The following TMEM45B variants were observed in gnomAD, a reference collection of about 807,000 sequenced individuals.
The protein encoded by TMEM45B is transmembrane protein 45B.
TMEM45B carries 29 observed loss-of-function variants against 27.3 expected under a neutral mutation model. The ratio of observed to expected loss-of-function variants is 1.06; its 90% CI spans 0.79 to 1.45. The LOEUF (loss-of-function observed/expected upper bound fraction) is 1.45, where lower values mean the gene tolerates loss of function less well. TMEM45B is among the 40% of genes most tolerant of loss of function. The pLI, the probability that TMEM45B is intolerant of heterozygous loss-of-function variation, is 0.00. For synonymous variants in TMEM45B, 143 were observed against 134.7 expected (o/e 1.06, Z -0.43); for missense variants, 348 against 343.9 (o/e 1.01, Z -0.09).
intron 1 of TMEM45B, among the ~76,000 whole-genome samples, chr11:129,848,933 C>A (rs1335306330): frequency 6.6e-6 from 1 of 152,174 alleles, no homozygotes; most frequent in Non-Finnish European, 1.5e-5. Flanking sequence ...GAGGAACCTT[C>A]ATGGCTTAAT....
chr11:129,845,739 A>C (rs1054096502), intron 1 of TMEM45B, among the ~76,000 whole-genome samples: 23 of 152,228 alleles, frequency 1.5e-4, no homozygotes, highest in African/African-American at 4.8e-4. Context: ...AGAGATTGTC[A>C]ACTATGCAAA....
At chr11:129,844,938 C>T (rs1947739009) in intron 1 of TMEM45B, among the ~76,000 whole-genome samples, 1 of 152,024 alleles carries the variant, frequency 6.6e-6, no homozygotes, top group South Asian at 2.1e-4. Context: ...GGACATCCTT[C>T]AGGTCGAAAG....
At chr11:129,828,812 T>G (rs551907653) in intron 1 of TMEM45B, among the ~76,000 whole-genome samples, 2 of 152,340 alleles carry the variant, frequency 1.3e-5, no homozygotes, top group South Asian at 4.1e-4. Flanking sequence ...TAACAAGTTA[T>G]GCTCAGCCAC....
intron 1 of TMEM45B, among the ~76,000 whole-genome samples, chr11:129,828,597 G>T (rs1469300406): frequency 6.6e-6 from 1 of 152,160 alleles, no homozygotes; most frequent in Middle Eastern, 3.2e-3. Flanking sequence ...AACGTGAAGA[G>T]GTATTAACCT....
chr11:129,855,108 C>G (rs1277426468), intron 3 of TMEM45B, among the ~76,000 whole-genome samples: 6 of 152,206 alleles, frequency 3.9e-5, no homozygotes, highest in African/African-American at 1.4e-4. Context: ...AGCCCCTGCT[C>G]ACACACGTGC....
intron 1 of TMEM45B, among the ~76,000 whole-genome samples, chr11:129,840,754 G>A (rs1359359383): frequency 2.0e-5 from 3 of 151,498 alleles, no homozygotes; most frequent in African/African-American, 7.3e-5. Context: ...GCGTGGTGGT[G>A]CACGCCTGTA....
chr11:129,826,422 G>A (rs1349834782), intron 1 of TMEM45B, among the ~76,000 whole-genome samples: 1 of 151,426 alleles, frequency 6.6e-6, no homozygotes, highest in African/African-American at 2.4e-5. Context: ...GGTGGCGGGT[G>A]CCTGTAGTCC....
intron 4 of TMEM45B, among the ~76,000 whole-genome samples, chr11:129,856,272 C>T (rs779196151): frequency 3.3e-5 from 5 of 152,276 alleles, no homozygotes; most frequent in South Asian, 2.1e-4. Flanking sequence ...AATGCAGTGG[C>T]GCAATCTTGG....
intron 4 of TMEM45B, among the ~76,000 whole-genome samples, chr11:129,856,855 G>A (rs1055837578): frequency 4.7e-5 from 6 of 128,178 alleles, no homozygotes; most frequent in Admixed American, 1.5e-4. Context: ...CACCGCGCCC[G>A]GCTTTTTTTT....
At chr11:129,855,545 A>G (rs917218153) in intron 3 of TMEM45B, among the ~76,000 whole-genome samples, 163 bp from the exon 4 acceptor site, 2 of 152,150 alleles carry the variant, frequency 1.3e-5, no homozygotes, top group Non-Finnish European at 1.5e-5. Flanking sequence ...TATACTCCTA[A>G]CATACTCATG....
chr11:129,855,834 T>C lies in TMEM45B; in HGVS notation c.512T>C (p.Ile171Thr), dbSNP rs755705345. The C allele has an allele frequency of 2.0e-5, 33 of 1,614,036 alleles. No homozygotes were observed. The highest frequency in any genetic ancestry group is 8.9e-5 in the East Asian group (4 of 44,882). ...ISLEVIFRDH[I>T]VLELFRTSLI... is the part of the protein sequence containing the mutation. ...CTAGAGGTGATCTTCCGGGACCACATTGTGCTGGAACTTTTCCGAACCAGT... is the reference window on the plus strand; with the variant it reads ...CTAGAGGTGATCTTCCGGGACCACACTGTGCTGGAACTTTTCCGAACCAGT... The change falls in exon 4 of 6, where the codon ATT becomes ACT. Residue 171 changes from isoleucine to threonine, a missense_variant. Ile to Thr is a moderately conservative substitution (Grantham distance 89). Coordinates refer to ENST00000281441, the MANE Select transcript of TMEM45B (RefSeq NM_138788.5).
intron 1 of TMEM45B, among the ~76,000 whole-genome samples, chr11:129,848,373 C>A (rs1425627869): frequency 6.6e-6 from 1 of 151,566 alleles, no homozygotes; most frequent in Non-Finnish European, 1.5e-5. Flanking sequence ...ACCCGTCAGG[C>A]GTGGCGGCGC....
intron 1 of TMEM45B, among the ~76,000 whole-genome samples, chr11:129,845,341 G>A (rs1347224735): frequency 2.2e-5 from 3 of 136,420 alleles, no homozygotes; most frequent in East Asian, 4.2e-4. Flanking sequence ...TTATAGATGT[G>A]TGTGTGTGTG....
chr11:129,819,518 GTCTTTTCTTT>G (rs141695072), intron 1 of TMEM45B, among the ~76,000 whole-genome samples: 1 of 151,854 alleles, frequency 6.6e-6, no homozygotes, highest in Non-Finnish European at 1.5e-5. Context: ...GTCTTGTCTT[GTCTTTTCTTT>G]TCTTTTCTTT....
At chr11:129,845,615 CA>C (rs972036323) in intron 1 of TMEM45B, among the ~76,000 whole-genome samples, 1 of 151,640 alleles carries the variant, frequency 6.6e-6, no homozygotes, top group East Asian at 1.9e-4. Context: ...CACGGAGGAA[CA>C]AAAAAATGCA....
rs1420775586 is a variant in TMEM45B, at chr11:129,834,940, G to A, written c.-8-17535G>A. On this transcript the variant is annotated intron_variant, in intron 1 of 5. Coordinates refer to ENST00000281441, the MANE Select transcript of TMEM45B (RefSeq NM_138788.5). ...CTGGTGAGATCTTGGACAGAAATGAGGAACATGATATTAGAAACTAGAAGA... is the reference window on the plus strand; with the variant it reads ...CTGGTGAGATCTTGGACAGAAATGAAGAACATGATATTAGAAACTAGAAGA... Among the ~76,000 whole-genome samples the A allele has an allele frequency of 1.8e-4, 27 of 152,138 alleles. 1 individual carries two copies. The highest frequency in any genetic ancestry group is 1.8e-3 in the Admixed American group (27 of 15,270).
intron 1 of TMEM45B, among the ~76,000 whole-genome samples, chr11:129,825,078 T>A (rs1947462192): frequency 6.6e-6 from 1 of 152,062 alleles, no homozygotes; most frequent in Non-Finnish European, 1.5e-5. Context: ...CATCCTCCAG[T>A]AGTGTAGTCA....
intron 1 of TMEM45B, among the ~76,000 whole-genome samples, chr11:129,849,016 C>G (rs1947807078): frequency 6.6e-6 from 1 of 152,304 alleles, no homozygotes; most frequent in South Asian, 2.1e-4. Flanking sequence ...CCCATTCACA[C>G]CATAGCATTC....
chr11:129,826,465 T>C (rs1421868310), intron 1 of TMEM45B, among the ~76,000 whole-genome samples: 1 of 143,042 alleles, frequency 7.0e-6, no homozygotes, highest in Admixed American at 7.4e-5. Flanking sequence ...AGGAGAATGG[T>C]GTGAACCCGG....
Sources: gnomAD v4.1 joint callset for allele counts (sites outside exome capture counted in the v4.1 genomes callset) on GRCh38, gnomAD v4.1.1 for gene constraint, MANE v1.5 for transcripts, NCBI Gene and HGNC (gene_info 2026-07-23, HGNC 2026-07-21) for gene names.